The following NEB variants were observed in gnomAD, a reference collection of about 807,000 sequenced individuals.
NEB encodes the protein nebulin, also known as nemaline myopathy type 2.
NEB carries 512 observed loss-of-function variants against 952.2 expected under a neutral mutation model. The ratio of observed to expected loss-of-function variants is 0.54; its 90% CI spans 0.50 to 0.58. The LOEUF (loss-of-function observed/expected upper bound fraction) is 0.58. Ranked by LOEUF, NEB falls within the 20% of genes least tolerant of loss-of-function variation. The pLI, the probability that NEB is intolerant of heterozygous loss-of-function variation, is 0.00. For synonymous variants in NEB, 2,900 were observed against 3,149.8 expected (o/e 0.92, Z 2.66); for missense variants, 8,428 against 9,231.1 (o/e 0.91, Z 3.56).
rs767046706 is a variant in NEB at position 151,576,359 on chromosome 2, A to G, written c.16705-5T>C. On this transcript the variant is annotated splice_polypyrimidine_tract_variant and splice_region_variant and intron_variant, in intron 105 of 181. Transcript: ENST00000397345. The stretch of plus-strand genomic sequence containing the variant: ...CAAGTCAGCCTTGTAGAGGGCCTGA[A>G]AAAGAAAACACAGGTAGAAGCAGGG... 1 of 1,582,900 alleles carries G rather than the reference A, an allele frequency of 6.3e-7. No homozygotes were observed. The highest frequency in any genetic ancestry group is 2.2e-5 in the East Asian group (1 of 44,594).
rs1206979435 is a variant in NEB at position 151,572,553 on chromosome 2, C to CT, written c.17014-1953dup. ...ATATATAAAAGTATATATATATATACTTTTTTTTTTTTGACAGAGTCTCGC... is the reference window on the plus strand; with the variant it reads ...ATATATAAAAGTATATATATATATACTTTTTTTTTTTTTGACAGAGTCTCGC... On this transcript the variant is annotated intron_variant, in intron 107 of 181. Coordinates refer to ENST00000397345, the MANE Select transcript of NEB (RefSeq NM_001164508.2). Among the ~76,000 whole-genome samples, 684 of 133,380 alleles carry CT rather than the reference C, an allele frequency of 5.1e-3. 6 individuals carry two copies. Among genetic ancestry groups the CT allele is most frequent in the South Asian group, 0.029 (120 of 4,118 alleles). The allele number at this position is 133,380 out of a possible 152,430, so 87.5% of individuals were successfully genotyped here.
intron 112 of NEB, 26 bp downstream of exon 112, chr2:151,568,290 A>C (rs1361073935): frequency 3.7e-6 from 6 of 1,606,842 alleles, no homozygotes; most frequent in Non-Finnish European, 5.1e-6. Context: ...GTACACAAAC[A>C]CCAGGCATGT....
At chr2:151,564,381 G>A (rs1325612622) in intron 117 of NEB, among the ~76,000 whole-genome samples, 1 of 152,074 alleles carries the variant, frequency 6.6e-6, no homozygotes, top group Admixed American at 6.6e-5. Flanking sequence ...TCTAACTCCT[G>A]ACCTCAGGTG....
chr2:151,733,496 A>G (rs1377675313), intron 2 of NEB, among the ~76,000 whole-genome samples: 1 of 152,142 alleles, frequency 6.6e-6, no homozygotes, highest in Non-Finnish European at 1.5e-5. Flanking sequence ...AAACTTCCAA[A>G]CACTTAGAGA....
In NEB at chr2:151,667,859, C is replaced by G. The variant is rs183333679; in HGVS notation, c.4664G>C (p.Arg1555Thr). 1 of 1,612,866 alleles carries G rather than the reference C, an allele frequency of 6.2e-7. No individual in the cohort carries two copies. Among genetic ancestry groups the G allele is most frequent in the Non-Finnish European group, 8.5e-7 (1 of 1,179,154 alleles). The change falls in exon 40 of 182, where the codon AGA (arginine) becomes ACA (threonine). Residue 1555 changes from arginine to threonine, a missense_variant. Physicochemically the swap from Arg to Thr is moderately conservative, Grantham distance 71. This residue lies in a region of NEB where 2,851 missense variants were observed against 2,791.5 expected (regional missense o/e 1.02). Coordinates refer to ENST00000397345, the MANE Select transcript of NEB (RefSeq NM_001164508.2). The stretch of plus-strand genomic sequence containing the variant: ...AGCAACAATTGGGATGGCATCTGGT[C>G]TCAAATCATAGCCCTTGGCAATGGT... ...KKTIAKGYDL[R>T]PDAIPIVAAK...
Position 151,667,911 on chromosome 2 carries a change from C to T in NEB, c.4612G>A (p.Ala1538Thr), listed in dbSNP as rs781263453. Residue 1538 changes from alanine to threonine, a missense_variant and splice_region_variant, in exon 40 of 182, where the codon GCT becomes ACT. Ala to Thr is a moderately conservative substitution (Grantham distance 58). Around this residue, in one of 11 missense-constraint regions of NEB, gnomAD observed 2,851 missense variants for 2,791.5 expected, o/e 1.02. Coordinates refer to ENST00000397345, the MANE Select transcript of NEB (RefSeq NM_001164508.2). ...AKVNALNMSD[A>T]HYKADWKKTI... ...TTCTTCCAATCTGCTTTATAATGAGCCTTCAAAAAAGTAGAGGTTATTTTA... is the reference window on the plus strand; with the variant it reads ...TTCTTCCAATCTGCTTTATAATGAGTCTTCAAAAAAGTAGAGGTTATTTTA... The T allele has an allele frequency of 6.2e-7, 1 of 1,603,112 alleles. No individual in the cohort carries two copies. Among genetic ancestry groups the T allele is most frequent in the Non-Finnish European group, 8.5e-7 (1 of 1,172,890 alleles).
At chr2:151,715,937 C>A (rs961639101) in intron 10 of NEB, among the ~76,000 whole-genome samples, 3 of 152,040 alleles carry the variant, frequency 2.0e-5, no homozygotes, top group Non-Finnish European at 4.4e-5. Flanking sequence ...TTTTAAGAAT[C>A]CCCACTGCAT....
Position 151,512,803 on chromosome 2 carries a change from G to T in NEB, c.23276C>A (p.Ala7759Asp), listed in dbSNP as rs1008566957. 1 of 1,613,554 alleles carries T rather than the reference G, an allele frequency of 6.2e-7. No individual in the cohort carries two copies. The highest frequency in any genetic ancestry group is 8.5e-7 in the Non-Finnish European group (1 of 1,179,654). Residue 7759 changes from alanine (A) to aspartate (D), a missense_variant, in exon 161 of 182, where the codon GCC becomes GAC. Ala to Asp is a moderately radical substitution (Grantham distance 126). Coordinates refer to ENST00000397345, the MANE Select transcript of NEB (RefSeq NM_001164508.2). ...KYKQSAEMEKANFTSVVDTPE... is the reference protein window; with the variant it reads ...KYKQSAEMEKDNFTSVVDTPE... ...AGTATCAACCACAGAAGTGAAATTG[G>T]CTTTCTCCATTTCTGCTGATTGCTT...
chr2:151,678,042 T>C lies in NEB; in HGVS notation c.3401A>G (p.Lys1134Arg). ...REYKKDYEKTKSKYNTPHDMF... is the reference protein window; with the variant it reads ...REYKKDYEKTRSKYNTPHDMF... ...ATCATGGGGCGTGTTGTATTTGGACTTTGTCTTCTCATAGTCTTTTTTATA... is the reference window on the plus strand; with the variant it reads ...ATCATGGGGCGTGTTGTATTTGGACCTTGTCTTCTCATAGTCTTTTTTATA... Residue 1134 changes from lysine to arginine, a missense_variant, in exon 33 of 182, where the codon AAG becomes AGG. Lys to Arg is a conservative substitution (Grantham distance 26, BLOSUM62 2). This residue lies in a region of NEB where 2,851 missense variants were observed against 2,791.5 expected (regional missense o/e 1.02). Transcript: ENST00000397345. 1 of 1,613,996 alleles carries C rather than the reference T, an allele frequency of 6.2e-7. No homozygotes were observed. The highest frequency in any genetic ancestry group is 8.5e-7 in the Non-Finnish European group (1 of 1,179,892).
chr2:151,499,133 T>C (rs1057045495), intron 169 of NEB, among the ~76,000 whole-genome samples, 165 bp downstream of exon 169: 1 of 152,164 alleles, frequency 6.6e-6, no homozygotes, highest in South Asian at 2.1e-4. Flanking sequence ...ATTAATGTTT[T>C]ACCAAAATGG....
chr2:151,635,704 C>T (rs2098746781), intron 64 of NEB, among the ~76,000 whole-genome samples: 1 of 117,696 alleles, frequency 8.5e-6, no homozygotes, highest in Admixed American at 1.0e-4. Flanking sequence ...AAAACTCTGT[C>T]TCCAAAAAAA....
chr2:151,638,039 C>T (rs1314053747), intron 63 of NEB, among the ~76,000 whole-genome samples: 2 of 152,130 alleles, frequency 1.3e-5, no homozygotes, highest in African/African-American at 4.8e-5. Context: ...CTTAGATTCA[C>T]AAAAATCTCC....
rs752285938 is a variant in NEB, at chr2:151,547,454, C to T, written c.20342G>A (p.Arg6781His). Residue 6781 changes from arginine (R) to histidine (H), a missense_variant, in exon 133 of 182, where the codon CGC (arginine) becomes CAC (histidine). Physicochemically the swap from Arg to His is conservative, Grantham distance 29. Around this residue, in one of 11 missense-constraint regions of NEB, gnomAD observed 3,374 missense variants for 3,651.5 expected, o/e 0.92. Transcript: ENST00000397345. ...ATCACTGGTGATGTCTCCCACATAGCGGCAATGGATCACTTGGGGTGTGTA... is the reference window on the plus strand; with the variant it reads ...ATCACTGGTGATGTCTCCCACATAGTGGCAATGGATCACTTGGGGTGTGTA... ...LPYTPQVIHC[R>H]YVGDITSDIK... 25 of 1,603,716 alleles carry T rather than the reference C, an allele frequency of 1.6e-5. No individual in the cohort carries two copies. The highest frequency in any genetic ancestry group is 6.8e-5 in the Admixed American group (4 of 58,580).
intron 152 of NEB, 49 bp downstream of exon 152, chr2:151,524,466 C>A: frequency 6.2e-7 from 1 of 1,610,328 alleles, no homozygotes; most frequent in Non-Finnish European, 8.5e-7. Context: ...GCCTGGCATG[C>A]CTTGGCAATG....
chr2:151,682,976 T>G (rs980943389), intron 28 of NEB, among the ~76,000 whole-genome samples: 8 of 152,306 alleles, frequency 5.3e-5, no homozygotes, highest in African/African-American at 1.7e-4. Flanking sequence ...TATGTTCCAT[T>G]TCATCCTTAT....
rs760365962 is a variant in NEB at position 151,619,498 on chromosome 2, G to A, written c.10825C>T (p.Gln3609Ter). Residue 3609 changes from glutamine to a stop codon, truncating the protein, a stop_gained, in exon 73 of 182, where the codon CAG (glutamine) becomes TAG (stop). Transcript: ENST00000397345. LOFTEE classifies it high-confidence loss of function. ...TTCCGTGCATGAATGATGTCATTCT[G>A]GTCGGGCAGGCAGATCCATTCATGC... ...PLHEWICLPD[Q>*]NDIIHARKAY... The A allele has an allele frequency of 6.2e-7, 1 of 1,613,058 alleles. No individual in the cohort carries two copies. The highest frequency in any genetic ancestry group is 8.5e-7 in the Non-Finnish European group (1 of 1,179,144).
At chr2:151,496,025 A>G (rs1429212670) in intron 173 of NEB, among the ~76,000 whole-genome samples, 3 of 152,188 alleles carry the variant, frequency 2.0e-5, no homozygotes, top group Admixed American at 6.5e-5. Flanking sequence ...GTAAGTTTGG[A>G]GAGAGAGAAG....
Position 151,496,973 on chromosome 2 carries a change from T to TCTC in NEB, c.24358_24360dup (p.Glu8120dup). On this transcript the variant is annotated inframe_insertion, in exon 172 of 182. Transcript: ENST00000397345. ...ATATTTTCTTGATTGTGTTTGACTC[T>TCTC]CTCCATCTCAGGAGTGACAGGTAGA... The TCTC allele has an allele frequency of 6.3e-7, 1 of 1,580,908 alleles. No individual in the cohort carries two copies. The highest frequency in any genetic ancestry group is 8.6e-7 in the Non-Finnish European group (1 of 1,161,180).
At chr2:151,702,116 G>A (rs1355817549) in intron 13 of NEB, among the ~76,000 whole-genome samples, 3 of 145,168 alleles carry the variant, frequency 2.1e-5, no homozygotes, top group East Asian at 2.0e-4. Flanking sequence ...CCTTCATTTC[G>A]TTATGTACCC....
Sources: gnomAD v4.1 joint callset for allele counts (sites outside exome capture counted in the v4.1 genomes callset) on GRCh38, gnomAD v4.1.1 for gene constraint, gnomAD v4.1.1 regional missense constraint, MANE v1.5 for transcripts, NCBI Gene and HGNC (gene_info 2026-07-23, HGNC 2026-07-21) for gene names.